Variants in SREK1 observed in about 807,000 individuals in gnomAD.
The protein encoded by SREK1 is splicing regulatory glutamine/lysine-rich protein 1.
SREK1 carries 13 observed loss-of-function variants against 66.5 expected under a neutral mutation model. The ratio of observed to expected loss-of-function variants is 0.20; its 90% CI spans 0.13 to 0.31. The LOEUF (loss-of-function observed/expected upper bound fraction) is 0.31. Among genes scored for constraint, SREK1 ranks in the 10% least tolerant of loss-of-function variants. SREK1 has a pLI of 1.00. For synonymous variants in SREK1, 265 were observed against 263.5 expected, an observed-to-expected ratio of 1.01 and a Z score of -0.05; for missense variants, 607 against 769.6, an observed-to-expected ratio of 0.79 and a Z score of 2.50.
intron 2 of SREK1, chr5:66,158,203 G>T (rs1205280381): frequency 6.6e-6 from 1 of 150,724 alleles, no homozygotes; most frequent in African/African-American, 2.4e-5. Context: ...ATTCAGCAAT[G>T]AATATGCCAA....
intron 2 of SREK1, among the ~76,000 whole-genome samples, chr5:66,155,178 T>C (rs950692084): frequency 2.0e-5 from 3 of 151,578 alleles, no homozygotes; most frequent in African/African-American, 7.3e-5. Flanking sequence ...TCCCTTTTAT[T>C]GTTTATTTTA....
Position 66,164,819 on chromosome 5 carries a change from C to G in SREK1, c.923C>G (p.Ser308Cys). The change falls in exon 7 of 12, where the codon TCT becomes TGT. Residue 308 changes from serine to cysteine, a missense_variant. Ser to Cys is a moderately radical substitution (Grantham distance 112, BLOSUM62 -1). Coordinates refer to ENST00000334121, the MANE Select transcript of SREK1 (RefSeq NM_001077199.3). The stretch of plus-strand genomic sequence containing the variant: ...AGCAATGAAAGAAAAGGCGGTCGAT[C>G]TCGTTCCCATACTCGCTCAAAATCC... ...GKSNERKGGR[S>C]RSHTRSKSRS... 6.2e-7 allele frequency: 1 copy of G among 1,614,098 alleles called. No individual in the cohort carries two copies. The highest frequency in any genetic ancestry group is 8.5e-7 in the Non-Finnish European group (1 of 1,179,952).
rs574920037 is a variant in SREK1, at chr5:66,179,327, T to C, written c.*459T>C. Reference sequence around the variant, plus strand: ...TGTGCTTGAAATTGGTGCAAATATATACACACCCTTGTAAGTGCAAAGTAT... The same window carrying C: ...TGTGCTTGAAATTGGTGCAAATATACACACACCCTTGTAAGTGCAAAGTAT... On this transcript the variant is annotated 3_prime_UTR_variant, in exon 12 of 12. Transcript: ENST00000334121. 8 of 152,786 alleles carry C rather than the reference T, an allele frequency of 5.2e-5. No homozygotes were observed. Among genetic ancestry groups the C allele is most frequent in the Admixed American group, 4.6e-4 (7 of 15,276 alleles). The allele number at this position is 152,786 out of a possible 1,614,324, so 9.5% of individuals were successfully genotyped here.
intron 11 of SREK1, among the ~76,000 whole-genome samples, chr5:66,178,424 C>A (rs1297626849): frequency 6.6e-6 from 1 of 152,080 alleles, no homozygotes; most frequent in East Asian, 1.9e-4. Context: ...GAAATTATTT[C>A]ACTCTTTCAA....
chr5:66,155,383 A>T (rs1225562016), intron 2 of SREK1, among the ~76,000 whole-genome samples: 1 of 152,230 alleles, frequency 6.6e-6, no homozygotes, highest in African/African-American at 2.4e-5. Flanking sequence ...TACGTTTTTC[A>T]TTAGTTGTAT....
chr5:66,151,897 G>A (rs1203179164), intron 1 of SREK1, among the ~76,000 whole-genome samples: 2 of 138,754 alleles, frequency 1.4e-5, no homozygotes, highest in African/African-American at 2.7e-5. Flanking sequence ...CTAGGCTGGA[G>A]TGCAGTGGCG....
At chr5:66,152,382 CTAA>C (rs1362647002) in intron 1 of SREK1, among the ~76,000 whole-genome samples, 1 of 152,118 alleles carries the variant, frequency 6.6e-6, no homozygotes, top group African/African-American at 2.4e-5. Context: ...TTAAAAACGG[CTAA>C]TGTTTGTGGA....
chr5:66,158,748 T>C, intron 2 of SREK1: 1 of 1,230,138 alleles, frequency 8.1e-7, no homozygotes. Context: ...TTGCCATTTC[T>C]GGGGATTAAA....
In SREK1 at chr5:66,170,957, T is replaced by C; in HGVS notation, c.1484+10T>C. The C allele has an allele frequency of 6.3e-7, 1 of 1,576,546 alleles. No individual in the cohort carries two copies. The stretch of plus-strand genomic sequence containing the variant: ...CTCGTAGTTCCAGCAGGTTTGATAA[T>C]GCTTAAAATTTTTACAAAGGGATTT... On this transcript the variant is annotated intron_variant, in intron 9 of 11. Transcript: ENST00000334121.
intron 1 of SREK1, among the ~76,000 whole-genome samples, chr5:66,147,757 T>G (rs1743387633): frequency 6.6e-6 from 1 of 152,312 alleles, no homozygotes; most frequent in South Asian, 2.1e-4. Flanking sequence ...TATCAAAGCT[T>G]CTCTCCATTT....
intron 2 of SREK1, among the ~76,000 whole-genome samples, chr5:66,154,039 A>C (rs1417167452): frequency 6.6e-6 from 1 of 152,084 alleles, no homozygotes; most frequent in Non-Finnish European, 1.5e-5. Context: ...TTTCAAGTAC[A>C]CTCTTAAGGT....
chr5:66,169,718 A>G (rs1745477209), intron 7 of SREK1: 1 of 157,470 alleles, frequency 6.4e-6, no homozygotes, highest in Non-Finnish European at 1.4e-5. Flanking sequence ...TCAACCACGT[A>G]ACCACTACTC....
intron 1 of SREK1, among the ~76,000 whole-genome samples, chr5:66,149,116 A>G (rs556731768): frequency 6.6e-6 from 1 of 152,286 alleles, no homozygotes; most frequent in African/African-American, 2.4e-5. Flanking sequence ...CGCTTTGGGA[A>G]GCCGAGGCAG....
chr5:66,144,849 A>T, intron 1 of SREK1: 2 of 1,063,522 alleles, frequency 1.9e-6, no homozygotes, highest in Non-Finnish European at 2.3e-6. Flanking sequence ...TTCCCCCCGA[A>T]CTTAAGATGG....
intron 9 of SREK1, among the ~76,000 whole-genome samples, chr5:66,173,641 T>C (rs1221412523): frequency 6.6e-6 from 1 of 152,216 alleles, no homozygotes; most frequent in Non-Finnish European, 1.5e-5. Flanking sequence ...TATCGTCAGC[T>C]AGTAGGTATT....
chr5:66,159,889 G>GA (rs1744599458), intron 3 of SREK1, among the ~76,000 whole-genome samples: 1 of 152,190 alleles, frequency 6.6e-6, no homozygotes, highest in African/African-American at 2.4e-5. Context: ...CCAGCACTTT[G>GA]GGAGGCCGAG....
intron 9 of SREK1, among the ~76,000 whole-genome samples, chr5:66,173,529 A>G (rs980547205): frequency 6.6e-6 from 1 of 152,204 alleles, no homozygotes; most frequent in East Asian, 1.9e-4. Context: ...GGTAAGGTGT[A>G]TAACTCAAAT....
rs926062145 is a variant in SREK1, at chr5:66,144,323, C to T, written c.-54C>T. On this transcript the variant is annotated 5_prime_UTR_variant, in exon 1 of 12. Coordinates refer to ENST00000334121, the MANE Select transcript of SREK1 (RefSeq NM_001077199.3). ...GCGTTCTCCGCTTTCCCGGCTCCGT[C>T]GCTGACGCGTCGTAGACGTTGGGGA... 2.9e-6 allele frequency: 4 copies of T among 1,392,404 alleles called. No homozygotes were observed. The highest frequency in any genetic ancestry group is 5.3e-5 in the East Asian group (2 of 37,654). The allele number at this position is 1,392,404 out of a possible 1,614,324, so 86.3% of individuals were successfully genotyped here. A position where few individuals can be genotyped will look rare whatever the true frequency, so the allele number is the denominator to read the frequency against.
chr5:66,145,269 T>C (rs1743072604), intron 1 of SREK1: 1 of 633,632 alleles, frequency 1.6e-6, no homozygotes, highest in Non-Finnish European at 2.0e-6. Context: ...ACTTCCCAGA[T>C]AGTGTATTTT....
Sources: allele counts gnomAD v4.1 joint callset (sites outside exome capture counted in the v4.1 genomes callset), GRCh38; gene constraint gnomAD v4.1.1; transcripts MANE v1.5; gene names NCBI Gene and HGNC (gene_info 2026-07-23, HGNC 2026-07-21).